AK9: variants seen among roughly 807,000 people sequenced by gnomAD.
The protein encoded by AK9 is adenylate kinase domain containing 1.
Under a neutral mutation model 239.6 loss-of-function variants are expected in AK9, and 191 were observed. The ratio of observed to expected loss-of-function variants is 0.80; its 90% CI spans 0.71 to 0.90. The LOEUF is 0.90. Among genes scored for constraint, AK9 ranks in the 40% least tolerant of loss-of-function variants. The pLI is 0.00. For missense variants in AK9, 1,995 were observed against 2,214.7 expected, an observed-to-expected ratio of 0.90 and a Z score of 1.99; for synonymous variants, 689 against 721.0, an observed-to-expected ratio of 0.96 and a Z score of 0.71.
intron 17 of AK9, among the ~76,000 whole-genome samples, chr6:109,609,943 C>T (rs974500005): frequency 1.3e-5 from 2 of 152,068 alleles, no homozygotes; most frequent in East Asian, 1.9e-4. Flanking sequence ...CTCTCATCTC[C>T]CCTATGAACA....
At chr6:109,651,316 C>T (rs926983574) in intron 8 of AK9, among the ~76,000 whole-genome samples, 8 of 151,974 alleles carry the variant, frequency 5.3e-5, no homozygotes, top group Non-Finnish European at 1.0e-4. Context: ...TTCTGAATGA[C>T]TACTGGGTAC....
chr6:109,614,850 T>C lies in AK9; in HGVS notation c.1400-370A>G, dbSNP rs548714826. Reference sequence around the variant, plus strand: ...CACTGACAAATTTTTCTTAAAAATATATTGAGGCAAACTTCAACAGCAAAA... The same window carrying C: ...CACTGACAAATTTTTCTTAAAAATACATTGAGGCAAACTTCAACAGCAAAA... On this transcript the variant is annotated intron_variant, in intron 13 of 40. Coordinates refer to ENST00000424296, the MANE Select transcript of AK9 (RefSeq NM_001145128.3). Among the ~76,000 whole-genome samples, 20 of 152,302 alleles carry C rather than the reference T, an allele frequency of 1.3e-4. No homozygotes were observed. In the South Asian group the frequency reaches 4.1e-3, roughly 32 times the overall value.
chr6:109,563,970 A>C (rs111445312), intron 23 of AK9, 110 bp downstream of exon 23: 4 of 1,167,458 alleles, frequency 3.4e-6, no homozygotes, highest in African/African-American at 3.1e-5. Context: ...TCAGCCTTGG[A>C]TATACTGAAC....
intron 29 of AK9, among the ~76,000 whole-genome samples, chr6:109,517,242 T>C (rs1276961612): frequency 6.6e-6 from 1 of 152,170 alleles, no homozygotes; most frequent in Non-Finnish European, 1.5e-5. Context: ...CTACACCCTA[T>C]TTTGTCTTTC....
At chr6:109,633,731 T>A (rs1299047192) in intron 10 of AK9, among the ~76,000 whole-genome samples, 1 of 152,222 alleles carries the variant, frequency 6.6e-6, no homozygotes, top group East Asian at 1.9e-4. Flanking sequence ...TAATTTACCT[T>A]GGCTTTCACA....
chr6:109,578,385 A>G (rs927631577), intron 20 of AK9, among the ~76,000 whole-genome samples: 1 of 152,128 alleles, frequency 6.6e-6, no homozygotes, highest in African/African-American at 2.4e-5. Flanking sequence ...TACATTTCTA[A>G]TTGAGCTTAT....
At chr6:109,638,971 G>C (rs1797057171) in intron 10 of AK9, among the ~76,000 whole-genome samples, 1 of 152,198 alleles carries the variant, frequency 6.6e-6, no homozygotes, top group Non-Finnish European at 1.5e-5. Context: ...TCCCTGCAAA[G>C]GACATGAACT....
intron 6 of AK9, among the ~76,000 whole-genome samples, chr6:109,661,883 A>G (rs1254202492): frequency 1.3e-5 from 2 of 152,250 alleles, no homozygotes; most frequent in African/African-American, 4.8e-5. Context: ...TTTTGTAAAA[A>G]GGAAATCAAG....
intron 7 of AK9, among the ~76,000 whole-genome samples, chr6:109,657,171 A>G (rs1263420822): frequency 6.6e-6 from 1 of 152,178 alleles, no homozygotes; most frequent in Non-Finnish European, 1.5e-5. Context: ...GACAAAATAG[A>G]GAAATTAGAT....
At chr6:109,573,249 T>C (rs1787653436) in intron 21 of AK9, among the ~76,000 whole-genome samples, 193 bp downstream of exon 21, 1 of 102,556 alleles carries the variant, frequency 9.8e-6, no homozygotes, top group Non-Finnish European at 2.4e-5. Flanking sequence ...GTGCCAGTGC[T>C]GGGGCAGAGC....
rs553059527 is a variant in AK9 at position 109,639,180 on chromosome 6, C to T, written c.933+2338G>A. ...GGGTATATACCCAGTAATGGGATCT[C>T]TGGGTCAAATGATATTTCTAGTTCT... On this transcript the variant is annotated intron_variant, in intron 10 of 40. Coordinates refer to ENST00000424296, the MANE Select transcript of AK9 (RefSeq NM_001145128.3). Among the ~76,000 whole-genome samples, 16 of 152,304 alleles carry T rather than the reference C, an allele frequency of 1.1e-4. No individual in the cohort carries two copies. In the South Asian group the frequency reaches 3.1e-3, roughly 30 times the overall value.
chr6:109,537,049 A>G (rs1209718927), intron 27 of AK9, among the ~76,000 whole-genome samples: 1 of 152,152 alleles, frequency 6.6e-6, no homozygotes, highest in Non-Finnish European at 1.5e-5. Flanking sequence ...CATCAGGGAT[A>G]TTGGTCTAAA....
intron 17 of AK9, among the ~76,000 whole-genome samples, chr6:109,588,467 T>C (rs1789811875): frequency 6.6e-6 from 1 of 152,242 alleles, no homozygotes; most frequent in South Asian, 2.1e-4. Context: ...CTTGAGTTGT[T>C]TGAGTTTCTT....
intron 8 of AK9, among the ~76,000 whole-genome samples, chr6:109,646,777 C>T (rs1057355024): frequency 1.3e-5 from 2 of 152,102 alleles, no homozygotes; most frequent in Non-Finnish European, 2.9e-5. Flanking sequence ...AACCCCAAGA[C>T]ACATAATTGT....
chr6:109,655,879 T>G (rs1233765277), intron 8 of AK9, among the ~76,000 whole-genome samples: 2 of 151,924 alleles, frequency 1.3e-5, no homozygotes, highest in African/African-American at 4.8e-5. Context: ...ACAGGAGAGG[T>G]GGGGAGGAAT....
chr6:109,610,315 C>A (rs750952533), intron 17 of AK9, 50 bp downstream of exon 17: 1 of 1,517,946 alleles, frequency 6.6e-7, no homozygotes, highest in Non-Finnish European at 8.9e-7. Flanking sequence ...TTAACATTTT[C>A]TCAGTAATAG....
At chr6:109,646,463 G>A (rs963305705) in intron 8 of AK9, among the ~76,000 whole-genome samples, 1 of 152,078 alleles carries the variant, frequency 6.6e-6, no homozygotes, top group Admixed American at 6.6e-5. Flanking sequence ...AGCTTCAGTA[G>A]CTGATTCAAT....
chr6:109,681,312 C>T (rs1424808487), intron 1 of AK9, among the ~76,000 whole-genome samples: 5 of 152,120 alleles, frequency 3.3e-5, no homozygotes, highest in African/African-American at 1.2e-4. Context: ...TCTGATAAAA[C>T]AGATTTGAAA....
chr6:109,551,783 G>C (rs561459268), intron 24 of AK9, among the ~76,000 whole-genome samples: 93 of 150,242 alleles, frequency 6.2e-4, no homozygotes, highest in African/African-American at 2.0e-3. Context: ...AAAAAAAAAG[G>C]GGGGTACATG....
Sources: allele counts gnomAD v4.1 joint callset (sites outside exome capture counted in the v4.1 genomes callset), GRCh38; gene constraint gnomAD v4.1.1; transcripts MANE v1.5; gene names NCBI Gene and HGNC (gene_info 2026-07-23, HGNC 2026-07-21).